Variants in SCNN1G observed in about 807,000 individuals in gnomAD.
SCNN1G encodes the protein epithelial sodium channel subunit gamma.
SCNN1G carries 27 observed loss-of-function variants against 64.6 expected under a neutral mutation model. The ratio of observed to expected loss-of-function variants is 0.42; its 90% CI spans 0.31 to 0.58. The LOEUF (loss-of-function observed/expected upper bound fraction) is 0.58, where lower values mean the gene tolerates loss of function less well. SCNN1G is among the 20% of genes least tolerant of loss of function. The pLI is 0.18. For missense variants in SCNN1G, 743 were observed against 823.4 expected (o/e 0.90, Z 1.19); for synonymous variants, 330 against 314.2 (o/e 1.05, Z -0.53).
rs1309118904 is a variant in SCNN1G, at chr16:23,215,326, C to T, written c.1807C>T (p.Pro603Ser). ...AGCCCTGGATATAGACGATGACCTACCCACTTTCAACTCTGCTTTGCACCT... is the reference window on the plus strand; with the variant it reads ...AGCCCTGGATATAGACGATGACCTATCCACTTTCAACTCTGCTTTGCACCT... ...NPALDIDDDLPTFNSALHLPP... is the reference protein window; with the variant it reads ...NPALDIDDDLSTFNSALHLPP... Residue 603 changes from proline to serine, a missense_variant, in exon 13 of 13, where the codon CCC becomes TCC. By Grantham distance (74) the Pro-to-Ser change is moderately conservative. Coordinates refer to ENST00000300061, the MANE Select transcript of SCNN1G (RefSeq NM_001039.4). 1 of 1,614,200 alleles carries T rather than the reference C, an allele frequency of 6.2e-7. No individual in the cohort carries two copies. The highest frequency in any genetic ancestry group is 2.2e-5 in the East Asian group (1 of 44,884).
At chr16:23,183,577 C>T (rs1959556861) in intron 1 of SCNN1G, among the ~76,000 whole-genome samples, 1 of 152,134 alleles carries the variant, frequency 6.6e-6, no homozygotes, top group African/African-American at 2.4e-5. Context: ...TGAGCCAGGG[C>T]CCTGGAATTC....
At chr16:23,196,511 C>T (rs1326197383) in intron 5 of SCNN1G, 2 of 152,388 alleles carry the variant, frequency 1.3e-5, no homozygotes, top group Non-Finnish European at 2.9e-5. Flanking sequence ...GTCCAATTTT[C>T]AAAGGACCTC....
chr16:23,208,920 C>A (rs1596775444), intron 6 of SCNN1G, among the ~76,000 whole-genome samples: 1 of 151,996 alleles, frequency 6.6e-6, no homozygotes, highest in Non-Finnish European at 1.5e-5. Flanking sequence ...TCTTTCTAAT[C>A]CCTCCTCCCA....
intron 6 of SCNN1G, among the ~76,000 whole-genome samples, chr16:23,198,139 C>T (rs1301148766): frequency 6.6e-6 from 1 of 152,180 alleles, no homozygotes; most frequent in African/African-American, 2.4e-5. Flanking sequence ...TAGCCCATTA[C>T]ACTCCTGTCA....
At chr16:23,211,670 G>A (rs1267992222) in intron 7 of SCNN1G, among the ~76,000 whole-genome samples, 1 of 152,038 alleles carries the variant, frequency 6.6e-6, no homozygotes, top group Non-Finnish European at 1.5e-5. Context: ...AAATTAGCTG[G>A]GCATGGTGGT....
At chr16:23,183,451 C>A (rs946079266) in intron 1 of SCNN1G, among the ~76,000 whole-genome samples, 1 of 152,178 alleles carries the variant, frequency 6.6e-6, no homozygotes, top group Non-Finnish European at 1.5e-5. Context: ...GCGAACCCAA[C>A]GCTAGACTTG....
intron 6 of SCNN1G, among the ~76,000 whole-genome samples, chr16:23,204,296 T>TAC (rs1959941804): frequency 9.0e-5 from 1 of 11,052 alleles, no homozygotes; most frequent in African/African-American, 4.5e-4. Context: ...TACATATATA[T>TAC]ATATATATAT....
At chr16:23,187,554 C>A (rs1298427561) in intron 2 of SCNN1G, among the ~76,000 whole-genome samples, 1 of 152,202 alleles carries the variant, frequency 6.6e-6, no homozygotes, top group Non-Finnish European at 1.5e-5. Context: ...CCCCCATCTG[C>A]ATCTGCACCC....
chr16:23,185,729 C>T (rs1959595028), intron 1 of SCNN1G, among the ~76,000 whole-genome samples: 1 of 152,220 alleles, frequency 6.6e-6, no homozygotes, highest in Non-Finnish European at 1.5e-5. Flanking sequence ...ATTTTCTTGG[C>T]AGATTTCATC....
intron 4 of SCNN1G, 127 bp from the exon 5 acceptor site, chr16:23,194,044 G>T: frequency 1.4e-6 from 1 of 733,000 alleles, no homozygotes; most frequent in African/African-American, 1.7e-5. Flanking sequence ...GAGCAAGATG[G>T]GGAAAATGAG....
chr16:23,212,652 A>G, intron 8 of SCNN1G, 26 bp from the exon 9 acceptor site: 1 of 1,595,938 alleles, frequency 6.3e-7, no homozygotes, highest in Non-Finnish European at 8.6e-7. Context: ...TCCAAAGCTC[A>G]TGCTGCCCTC....
intron 3 of SCNN1G, among the ~76,000 whole-genome samples, chr16:23,192,020 G>T (rs940539016): frequency 3.3e-5 from 5 of 152,188 alleles, no homozygotes; most frequent in Non-Finnish European, 7.3e-5. Flanking sequence ...AATGGGAAAG[G>T]TTGTTAGGAA....
rs1404254728 is a variant in SCNN1G, at chr16:23,186,478, G to T, written c.207G>T (p.Trp69Cys). 6.2e-7 allele frequency: 1 copy of T among 1,614,138 alleles called. No individual in the cohort carries two copies. Among genetic ancestry groups the T allele is most frequent in the South Asian group, 1.1e-5 (1 of 91,090 alleles). ...TGACTGCCGTGGCCCTCATCCTCTG[G>T]CAGTGCGCCCTCCTCGTCTTCTCCT... ...FTLTAVALIL[W>C]QCALLVFSFY... is the part of the protein sequence containing the mutation. The change falls in exon 2 of 13, where the codon TGG (tryptophan) becomes TGT (cysteine). Residue 69 changes from tryptophan to cysteine, a missense_variant. Coordinates refer to ENST00000300061, the MANE Select transcript of SCNN1G (RefSeq NM_001039.4).
Position 23,194,190 on chromosome 16 carries a change from C to A in SCNN1G, c.829C>A (p.His277Asn). The A allele has an allele frequency of 6.2e-7, 1 of 1,613,536 alleles. No homozygotes were observed. Among genetic ancestry groups the A allele is most frequent in the South Asian group, 1.1e-5 (1 of 91,072 alleles). Residue 277 changes from histidine to asparagine, a missense_variant, in exon 5 of 13, where the codon CAC becomes AAC. Physicochemically the swap from His to Asn is moderately conservative, Grantham distance 68. Coordinates refer to ENST00000300061, the MANE Select transcript of SCNN1G (RefSeq NM_001039.4). ...CCATAGGAATTTCACGCTTTTCCAC[C>A]ACCCGATGCATGGGAATTGCTATAC... ...CDARNFTLFHHPMHGNCYTFN... is the reference protein window; with the variant it reads ...CDARNFTLFHNPMHGNCYTFN...
At position 23,199,663 on chromosome 16, in the gene SCNN1G, C is replaced by CTTTTTTTTTTT. The variant is rs67132706; in HGVS notation, c.1077+2252_1077+2262dup. Among the ~76,000 whole-genome samples, 37 of 59,656 alleles carry CTTTTTTTTTTT rather than the reference C, an allele frequency of 6.2e-4. 2 individuals are homozygous for CTTTTTTTTTTT. The highest frequency in any genetic ancestry group is 7.5e-4 in the Non-Finnish European group (25 of 33,182). 39.1% of individuals were successfully genotyped at this position (59,656 alleles called of 152,430 possible). A position where few individuals can be genotyped will look rare whatever the true frequency, so the allele number is the denominator to read the frequency against. ...TGATGTTTTTCTTTTCTTTTCTTTT[C>CTTTTTTTTTTT]TTTTTTTTTTTTTTTTTTTTTTTTT... On this transcript the variant is annotated intron_variant, in intron 6 of 12. Coordinates refer to ENST00000300061, the MANE Select transcript of SCNN1G (RefSeq NM_001039.4).
chr16:23,214,919 C>A, intron 12 of SCNN1G, 132 bp downstream of exon 12: 1 of 1,091,932 alleles, frequency 9.2e-7, no homozygotes, highest in South Asian at 1.3e-5. Flanking sequence ...CTAGCCAGGT[C>A]TCAGGTCGGA....
chr16:23,203,643 G>T (rs548106099), intron 6 of SCNN1G, among the ~76,000 whole-genome samples: 1 of 151,624 alleles, frequency 6.6e-6, no homozygotes, highest in African/African-American at 2.4e-5. Flanking sequence ...GGTGGCAGGC[G>T]CCTGTAGTCC....
intron 2 of SCNN1G, among the ~76,000 whole-genome samples, chr16:23,187,989 C>G (rs1959642350): frequency 6.6e-6 from 1 of 152,170 alleles, no homozygotes. Context: ...CCCTCCATGT[C>G]TTCCTCTTCT....
chr16:23,204,139 C>T (rs192597493), intron 6 of SCNN1G, among the ~76,000 whole-genome samples: 9 of 149,896 alleles, frequency 6.0e-5, no homozygotes, highest in African/African-American at 2.2e-4. Flanking sequence ...ATTAGCCAGC[C>T]GTGGTGGCAC....
Sources: allele counts gnomAD v4.1 joint callset (sites outside exome capture counted in the v4.1 genomes callset), GRCh38; gene constraint gnomAD v4.1.1; transcripts MANE v1.5; gene names NCBI Gene and HGNC (gene_info 2026-07-23, HGNC 2026-07-21).